Variants in ARMC3 observed in about 807,000 individuals in gnomAD.
The protein encoded by ARMC3 is armadillo repeat-containing protein 3.
In ARMC3, 74 loss-of-function variants were observed where a neutral mutation model predicts 90.3. That is an observed-to-expected ratio of 0.82 (90% CI 0.68 to 0.99). The LOEUF is 0.99. ARMC3 is among the 50% of genes least tolerant of loss of function. The probability of loss-of-function intolerance (pLI) is 0.00; values close to 1 mark genes in which losing one functional copy is unlikely to be tolerated. For missense variants in ARMC3, 958 were observed against 1,042.8 expected (o/e 0.92, Z 1.12); for synonymous variants, 334 against 361.8 (o/e 0.92, Z 0.87).
intron 16 of ARMC3, among the ~76,000 whole-genome samples, chr10:23,021,728 T>G (rs1352757354): frequency 6.6e-6 from 1 of 152,220 alleles, no homozygotes; most frequent in Non-Finnish European, 1.5e-5. Context: ...TTGTAGACCT[T>G]TGTTGGATAC....
chr10:22,967,261 A>G (rs990962124), intron 7 of ARMC3, among the ~76,000 whole-genome samples: 20 of 152,128 alleles, frequency 1.3e-4, no homozygotes, highest in Non-Finnish European at 1.5e-5. Context: ...CATTAATCTC[A>G]TATAAAAAGT....
At chr10:23,004,163 C>T (rs1837464173) in intron 13 of ARMC3, among the ~76,000 whole-genome samples, 1 of 150,078 alleles carries the variant, frequency 6.7e-6, no homozygotes, top group African/African-American at 2.5e-5. Flanking sequence ...AATTTGGGGG[C>T]TCTATTATCT....
intron 13 of ARMC3, among the ~76,000 whole-genome samples, chr10:23,003,831 A>T (rs1230896229): frequency 8.0e-6 from 1 of 124,586 alleles, no homozygotes; most frequent in Non-Finnish European, 1.8e-5. Context: ...GCAGCATAGC[A>T]AGACCCTGTC....
intron 6 of ARMC3, 66 bp downstream of exon 6, chr10:22,959,640 A>G (rs1835107796): frequency 2.0e-6 from 3 of 1,477,064 alleles, no homozygotes; most frequent in Non-Finnish European, 2.7e-6. Flanking sequence ...CCCATTAAAA[A>G]TAGAAAAAAG....
At chr10:22,991,686 G>A (rs143286748) in intron 10 of ARMC3, among the ~76,000 whole-genome samples, 130 of 152,272 alleles carry the variant, frequency 8.5e-4, no homozygotes, top group African/African-American at 3.0e-3. Flanking sequence ...CCATGGCCCC[G>A]GGGTTAGGAA....
chr10:23,006,655 T>A (rs1439263842), intron 13 of ARMC3: 1 of 459,884 alleles, frequency 2.2e-6, no homozygotes, highest in East Asian at 4.2e-5. Flanking sequence ...AACAGCCGAG[T>A]GTAAAGCAAT....
chr10:23,011,523 T>C (rs1838012503), intron 16 of ARMC3, among the ~76,000 whole-genome samples: 1 of 152,148 alleles, frequency 6.6e-6, no homozygotes, highest in Admixed American at 6.5e-5. Context: ...CAAAACCCAC[T>C]CCAACCATAC....
chr10:22,965,538 G>C (rs563131599), intron 7 of ARMC3, among the ~76,000 whole-genome samples: 1 of 152,224 alleles, frequency 6.6e-6, no homozygotes, highest in East Asian at 1.9e-4. Flanking sequence ...TATCCTGCTT[G>C]GGGTGCTTGA....
chr10:23,005,211 C>CAAA (rs35706584), intron 13 of ARMC3, among the ~76,000 whole-genome samples: 69 of 60,796 alleles, frequency 1.1e-3, no homozygotes, highest in African/African-American at 1.6e-3. Context: ...AGACTCGTCT[C>CAAA]AAAAAAAAAA....
chr10:22,950,145 G>A (rs968182962), intron 3 of ARMC3, among the ~76,000 whole-genome samples: 2 of 151,788 alleles, frequency 1.3e-5, no homozygotes, highest in Non-Finnish European at 2.9e-5. Flanking sequence ...ATAAAAAGAG[G>A]CCTTTTAGGC....
chr10:23,034,360 C>G (rs1839042343), intron 18 of ARMC3, among the ~76,000 whole-genome samples: 1 of 152,194 alleles, frequency 6.6e-6, no homozygotes, highest in Admixed American at 6.5e-5. Flanking sequence ...TGACTAACAT[C>G]ATTTTGAACT....
chr10:22,929,903 A>G (rs1343493538), intron 1 of ARMC3, among the ~76,000 whole-genome samples: 4 of 152,194 alleles, frequency 2.6e-5, no homozygotes, highest in African/African-American at 9.7e-5. Flanking sequence ...GAGACACTCT[A>G]TCATTGCAAT....
rs1281245832 is a variant in ARMC3, at chr10:23,030,455, TG to T, written c.2046-139del. 4.3e-6 allele frequency: 6 copies of T among 1,395,614 alleles called. No homozygotes were observed. The East Asian group carries it at 1.5e-4, about 35-fold the overall frequency. 86.5% of individuals were successfully genotyped at this position (1,395,614 alleles called of 1,614,324 possible). A position where few individuals can be genotyped will look rare whatever the true frequency, so the allele number is the denominator to read the frequency against. ...TACTGAAAAAAAATCCACATATAAG[TG>T]GATCCACACAGTTCAATCTCATGTT... On this transcript the variant is annotated intron_variant, in intron 16 of 18. Transcript: ENST00000298032.
At chr10:22,968,269 T>C (rs1835528656) in intron 7 of ARMC3, 37 bp from the exon 8 acceptor site, 2 of 1,582,690 alleles carry the variant, frequency 1.3e-6, no homozygotes, top group Non-Finnish European at 1.7e-6. Context: ...TACATTTTAG[T>C]ACAACTTTCT....
chr10:23,016,257 TG>T (rs1467435904), intron 16 of ARMC3, among the ~76,000 whole-genome samples: 2 of 152,234 alleles, frequency 1.3e-5, no homozygotes, highest in Non-Finnish European at 2.9e-5. Flanking sequence ...CCAAGAGGGC[TG>T]GGTTCATGAC....
At chr10:22,931,942 T>G in intron 1 of ARMC3, 54 bp from the exon 2 acceptor site, 1 of 1,484,438 alleles carries the variant, frequency 6.7e-7, no homozygotes, top group Non-Finnish European at 9.3e-7. Flanking sequence ...GCACAGGTAA[T>G]TGAGAAATGT....
At chr10:23,035,094 T>A (rs572525460) in intron 18 of ARMC3, among the ~76,000 whole-genome samples, 1 of 152,298 alleles carries the variant, frequency 6.6e-6, no homozygotes, top group African/African-American at 2.4e-5. Context: ...TGCCAGCAGA[T>A]TCAGTGTCTA....
In ARMC3 at chr10:22,985,602, A is replaced by G. The variant is rs183840376; in HGVS notation, c.1175+3902A>G. Among the ~76,000 whole-genome samples, 3 of 152,202 alleles carry G rather than the reference A, an allele frequency of 2.0e-5. 1 individual carries two copies. The highest frequency in any genetic ancestry group is 2.0e-4 in the Admixed American group (3 of 15,288). On this transcript the variant is annotated intron_variant, in intron 10 of 18. Transcript: ENST00000298032. Reference sequence around the variant, plus strand: ...CCTGATGCCTCTTTGGTATGTACATAATTTTTGCTTCTCAGAGGCCATTCC... The same window carrying G: ...CCTGATGCCTCTTTGGTATGTACATGATTTTTGCTTCTCAGAGGCCATTCC...
intron 16 of ARMC3, among the ~76,000 whole-genome samples, chr10:23,027,498 C>T (rs1838756258): frequency 6.6e-6 from 1 of 152,102 alleles, no homozygotes; most frequent in African/African-American, 2.4e-5. Flanking sequence ...TATCCTGACC[C>T]TTCGATGAAC....
Sources: gnomAD v4.1 joint callset for allele counts (sites outside exome capture counted in the v4.1 genomes callset) on GRCh38, gnomAD v4.1.1 for gene constraint, MANE v1.5 for transcripts, NCBI Gene and HGNC (gene_info 2026-07-23, HGNC 2026-07-21) for gene names.